Variants in SINHCAF observed in about 807,000 individuals in gnomAD.
SINHCAF encodes the protein SIN3-HDAC complex-associated factor.
Under a neutral mutation model 25.8 loss-of-function variants are expected in SINHCAF, and 3 were observed. The ratio of observed to expected loss-of-function variants is 0.12; its 90% CI spans 0.05 to 0.30. The LOEUF is 0.30. SINHCAF is among the 10% of genes least tolerant of loss of function. The probability of loss-of-function intolerance (pLI) is 1.00; values close to 1 mark genes in which losing one functional copy is unlikely to be tolerated. For synonymous variants in SINHCAF, 70 were observed against 85.5 expected, an observed-to-expected ratio of 0.82 and a Z score of 1.00; for missense variants, 121 against 262.3, an observed-to-expected ratio of 0.46 and a Z score of 3.72.
intron 5 of SINHCAF, among the ~76,000 whole-genome samples, chr12:31,283,915 G>A (rs1937924351): frequency 2.0e-5 from 3 of 149,060 alleles, no homozygotes; most frequent in Admixed American, 2.0e-4. Flanking sequence ...ATTCTGCAAT[G>A]TTTTAGTCAA....
At position 31,324,596 on chromosome 12, in the gene SINHCAF, CCCTACGCCCAGGCGGCGG is replaced by C. The variant is rs1442559281; in HGVS notation, c.-21+1410_-21+1427del. 1.1e-5 allele frequency: 3 copies of C among 263,136 alleles called. No homozygotes were observed. Among genetic ancestry groups the C allele is most frequent in the Non-Finnish European group, 2.3e-5 (3 of 131,114 alleles). The allele number at this position is 263,136 out of a possible 1,614,324, so 16.3% of individuals were successfully genotyped here. ...CTTCGAGGGCCTCCGACCTGCACGG[CCCTACGCCCAGGCGGCGG>C]CCCCGAGCGCCGGGGGCCCGCACGG... On this transcript the variant is annotated intron_variant, in intron 1 of 5. Transcript: ENST00000337682. The surrounding 1 kb of genome is among the most constrained non-coding windows in gnomAD (Gnocchi z 5.5).
chr12:31,288,871 C>T (rs998869921), intron 4 of SINHCAF, among the ~76,000 whole-genome samples: 3 of 151,788 alleles, frequency 2.0e-5, no homozygotes, highest in Admixed American at 1.3e-4. Flanking sequence ...AAAGCAGCCA[C>T]GACAAAAATG....
At position 31,320,569 on chromosome 12, in the gene SINHCAF, G is replaced by A. The variant is rs142535704; in HGVS notation, c.-21+5455C>T. Among the ~76,000 whole-genome samples, 1,394 of 152,250 alleles carry A rather than the reference G, an allele frequency of 9.2e-3. 20 individuals carry two copies. The highest frequency in any genetic ancestry group is 0.032 in the African/African-American group (1,311 of 41,530). On this transcript the variant is annotated intron_variant, in intron 1 of 5. Transcript: ENST00000337682. ...GGGTAGAATTTGCTAACTACTCAAA[G>A]AGTGGGGCAGCCAAGATTAATATAA...
chr12:31,319,317 A>G (rs1323041214), intron 1 of SINHCAF, among the ~76,000 whole-genome samples: 2 of 152,178 alleles, frequency 1.3e-5, no homozygotes, highest in East Asian at 3.9e-4. Context: ...TCACCTGGTC[A>G]GGAGTTCGAG....
chr12:31,322,678 T>C (rs1360368634), intron 1 of SINHCAF, among the ~76,000 whole-genome samples: 1 of 152,118 alleles, frequency 6.6e-6, no homozygotes, highest in Non-Finnish European at 1.5e-5. Context: ...AATAACAAAA[T>C]AATGAAAAAA....
intron 5 of SINHCAF, among the ~76,000 whole-genome samples, chr12:31,283,774 T>C (rs2137065673): frequency 6.6e-6 from 1 of 151,882 alleles, no homozygotes; most frequent in Non-Finnish European, 1.5e-5. Flanking sequence ...CACTTAATTT[T>C]AGGTTTATCA....
At chr12:31,303,220 C>G (rs1481658704) in intron 1 of SINHCAF, 1 of 985,216 alleles carries the variant, frequency 1.0e-6, no homozygotes, top group East Asian at 1.1e-4. Flanking sequence ...ACCCATTTTT[C>G]CTTGTATTTC....
chr12:31,299,376 G>A (rs1241009562), intron 1 of SINHCAF, among the ~76,000 whole-genome samples: 1 of 152,012 alleles, frequency 6.6e-6, no homozygotes, highest in Non-Finnish European at 1.5e-5. Flanking sequence ...GAGTGCGGTG[G>A]CGCGATCTAG....
intron 1 of SINHCAF, among the ~76,000 whole-genome samples, chr12:31,307,570 G>C (rs1174322028): frequency 6.6e-6 from 1 of 152,042 alleles, no homozygotes; most frequent in Non-Finnish European, 1.5e-5. Context: ...GAGAGAGAGA[G>C]AGAGAGTGGC....
chr12:31,323,025 C>T (rs1462356876), intron 1 of SINHCAF, among the ~76,000 whole-genome samples: 3 of 152,180 alleles, frequency 2.0e-5, no homozygotes, highest in Non-Finnish European at 4.4e-5. Flanking sequence ...AAGAAGCTAG[C>T]CGTTACCCTG....
At chr12:31,289,797 TG>T (rs988623832) in intron 4 of SINHCAF, among the ~76,000 whole-genome samples, 6 of 114,042 alleles carry the variant, frequency 5.3e-5, no homozygotes, top group South Asian at 2.8e-4. Flanking sequence ...AAAGAAAATT[TG>T]GGTTTTTTTT....
chr12:31,321,940 A>C (rs1050413944), intron 1 of SINHCAF, among the ~76,000 whole-genome samples: 3 of 151,980 alleles, frequency 2.0e-5, no homozygotes, highest in African/African-American at 4.8e-5. Flanking sequence ...AATATGTCTG[A>C]GTTTGAGCCC....
chr12:31,324,935 A>C lies in SINHCAF; in HGVS notation c.-21+1089T>G. The C allele has an allele frequency of 6.6e-6, 3 of 455,976 alleles. No individual in the cohort carries two copies. The highest frequency in any genetic ancestry group is 4.7e-5 in the South Asian group (3 of 64,506). The allele number at this position is 455,976 out of a possible 1,614,324, so 28.2% of individuals were successfully genotyped here. A position where few individuals can be genotyped will look rare whatever the true frequency, so the allele number is the denominator to read the frequency against. ...AACTGGCAAGACGCCATCATCAGCA[A>C]ACCACATTGTCCTGCCGGCCGGACC... On this transcript the variant is annotated intron_variant, in intron 1 of 5. Coordinates refer to ENST00000337682, the MANE Select transcript of SINHCAF (RefSeq NM_001135812.2). This position sits in a 1 kb window ranked among gnomAD's most constrained non-coding sequence, Gnocchi z 5.5.
intron 5 of SINHCAF, among the ~76,000 whole-genome samples, chr12:31,284,876 G>T (rs1471958809): frequency 2.0e-5 from 3 of 152,024 alleles, no homozygotes; most frequent in Non-Finnish European, 4.4e-5. Flanking sequence ...ATTTCTGTTA[G>T]GGCAAGTTTA....
intron 1 of SINHCAF, chr12:31,303,765 G>C (rs2137105798): frequency 6.6e-6 from 1 of 152,342 alleles, no homozygotes; most frequent in Non-Finnish European, 1.5e-5. Context: ...ACACGTGTGA[G>C]ATGTGCCTCC....
chr12:31,306,448 G>C (rs1469174363), intron 1 of SINHCAF, among the ~76,000 whole-genome samples: 1 of 152,268 alleles, frequency 6.6e-6, no homozygotes. Context: ...TACCCCACTA[G>C]GATAATGGGT....
chr12:31,321,329 T>C (rs1040398102), intron 1 of SINHCAF, among the ~76,000 whole-genome samples: 1 of 152,190 alleles, frequency 6.6e-6, no homozygotes, highest in Non-Finnish European at 1.5e-5. Flanking sequence ...AATGGTTGAA[T>C]CAGAATTGAA....
chr12:31,285,225 TA>T (rs1406637472), intron 5 of SINHCAF, among the ~76,000 whole-genome samples: 2 of 151,794 alleles, frequency 1.3e-5, no homozygotes, highest in Non-Finnish European at 2.9e-5. Context: ...CAATCTCTAC[TA>T]AAAATACAAA....
intron 1 of SINHCAF, chr12:31,298,492 A>T (rs753162816): frequency 2.7e-6 from 1 of 370,364 alleles, no homozygotes; most frequent in Non-Finnish European, 5.0e-6. Flanking sequence ...AAAATGGGGA[A>T]GAGAAGCATT....
Sources: gnomAD v4.1 joint callset for allele counts (sites outside exome capture counted in the v4.1 genomes callset) on GRCh38, gnomAD v4.1.1 for gene constraint, Gnocchi (gnomAD v3.1) non-coding constraint, MANE v1.5 for transcripts, NCBI Gene and HGNC (gene_info 2026-07-23, HGNC 2026-07-21) for gene names.